The following ZNF385D variants were observed in gnomAD, a reference collection of about 807,000 sequenced individuals.
ZNF385D encodes zinc finger protein 659.
In ZNF385D, 15 loss-of-function variants were observed where a neutral mutation model predicts 35.8. The observed-to-expected ratio is 0.42, with a 90% CI of 0.28 to 0.64. The LOEUF is 0.64. Ranked by LOEUF, ZNF385D falls within the 30% of genes least tolerant of loss-of-function variation. The probability of loss-of-function intolerance (pLI) is 0.23; values close to 1 mark genes in which losing one functional copy is unlikely to be tolerated. For missense variants in ZNF385D, 474 were observed against 494.6 expected (o/e 0.96, Z 0.39); for synonymous variants, 212 against 186.8 (o/e 1.13, Z -1.10).
intron 3 of ZNF385D, among the ~76,000 whole-genome samples, chr3:22,123,707 A>G (rs1307563866): frequency 6.6e-6 from 1 of 152,102 alleles, no homozygotes; most frequent in Non-Finnish European, 1.5e-5. Context: ...TAAAAAGTAC[A>G]AAAATTAGCT....
chr3:22,290,543 G>T (rs565260487), intron 2 of ZNF385D, among the ~76,000 whole-genome samples: 2 of 152,094 alleles, frequency 1.3e-5, no homozygotes, highest in Non-Finnish European at 2.9e-5. Context: ...ACTCATTCCC[G>T]GATGCCCAGG....
At chr3:22,158,320 G>A (rs143157668) in intron 3 of ZNF385D, among the ~76,000 whole-genome samples, 1 of 152,152 alleles carries the variant, frequency 6.6e-6, no homozygotes, top group Non-Finnish European at 1.5e-5. Flanking sequence ...GAGATATTCT[G>A]AAGTTCTATT....
chr3:21,841,873 TTCTTTC>T (rs893874973), intron 3 of ZNF385D, among the ~76,000 whole-genome samples: 24 of 151,792 alleles, frequency 1.6e-4, no homozygotes, highest in African/African-American at 4.8e-4. Flanking sequence ...TTTGTTTCTA[TTCTTTC>T]TCTAACAAGT....
chr3:22,315,218 A>G (rs1703819378), intron 2 of ZNF385D, among the ~76,000 whole-genome samples: 1 of 152,174 alleles, frequency 6.6e-6, no homozygotes. Context: ...ATCTTAGTAG[A>G]GTGGATGGGA....
intron 2 of ZNF385D, among the ~76,000 whole-genome samples, chr3:22,357,699 A>G (rs1354233000): frequency 6.6e-6 from 1 of 151,856 alleles, no homozygotes; most frequent in African/African-American, 2.4e-5. Context: ...TCACAGGTTA[A>G]CAAAGGCTTC....
At chr3:21,505,033 A>G (rs1706667749) in intron 4 of ZNF385D, among the ~76,000 whole-genome samples, 1 of 152,200 alleles carries the variant, frequency 6.6e-6, no homozygotes, top group Non-Finnish European at 1.5e-5. Context: ...AGCATGAACC[A>G]TTCCAGGAAT....
intron 2 of ZNF385D, among the ~76,000 whole-genome samples, chr3:22,256,659 A>G (rs992033536): frequency 1.3e-5 from 2 of 151,914 alleles, no homozygotes; most frequent in Non-Finnish European, 2.9e-5. Context: ...AGCAGTTATC[A>G]TAACAAATGG....
intron 2 of ZNF385D, among the ~76,000 whole-genome samples, chr3:22,194,829 G>A (rs987758407): frequency 6.6e-6 from 1 of 151,786 alleles, no homozygotes; most frequent in Admixed American, 6.6e-5. Flanking sequence ...TTAATAGGTT[G>A]TTCTTTTTGT....
intron 3 of ZNF385D, among the ~76,000 whole-genome samples, chr3:21,824,105 T>A (rs1198768584): frequency 6.6e-6 from 1 of 152,150 alleles, no homozygotes; most frequent in African/African-American, 2.4e-5. Flanking sequence ...AACGTACAAC[T>A]GAAAAGAGAT....
At chr3:22,031,067 T>A (rs1383172384) in intron 3 of ZNF385D, among the ~76,000 whole-genome samples, 6 of 152,236 alleles carry the variant, frequency 3.9e-5, no homozygotes, top group Non-Finnish European at 7.3e-5. Flanking sequence ...AGGGGTGGGC[T>A]CTCAATGCTT....
At chr3:21,763,813 G>A (rs78733650) in intron 3 of ZNF385D, among the ~76,000 whole-genome samples, 11,980 of 152,214 alleles carry the variant, frequency 0.079, 638 homozygotes, top group South Asian at 0.17. Flanking sequence ...CAAGTGGTTT[G>A]CCACCTGCTT....
rs148192194 is a variant in ZNF385D, at chr3:21,971,119, C to G, written c.325+197698G>C. The stretch of plus-strand genomic sequence containing the variant: ...ACATTAATGAGTAATAGGAAATCAT[C>G]TGAAGGTACAAAACTCACTGGTAAT... On this transcript the variant is annotated intron_variant, in intron 3 of 5. Transcript: ENST00000494108. Among the ~76,000 whole-genome samples the G allele has an allele frequency of 7.9e-4, 120 of 152,076 alleles. 4 individuals are homozygous for G. The East Asian group carries it at 0.021, about 26-fold the overall frequency.
chr3:21,852,023 C>G (rs1175113232), intron 3 of ZNF385D, among the ~76,000 whole-genome samples: 2 of 151,940 alleles, frequency 1.3e-5, no homozygotes, highest in Non-Finnish European at 2.9e-5. Context: ...ACAGCAAAAT[C>G]AAAACTTCTT....
At chr3:22,313,844 G>T (rs1266500519) in intron 2 of ZNF385D, among the ~76,000 whole-genome samples, 4 of 152,144 alleles carry the variant, frequency 2.6e-5, no homozygotes, top group Non-Finnish European at 5.9e-5. Context: ...TCTCTCCTTA[G>T]AATAGTTGGA....
At chr3:21,726,840 C>A (rs866687066) in intron 1 of ZNF385D, among the ~76,000 whole-genome samples, 10 of 152,152 alleles carry the variant, frequency 6.6e-5, no homozygotes, top group Admixed American at 3.9e-4. Context: ...TCATATGGAA[C>A]CAAAAAAGAG....
intron 4 of ZNF385D, among the ~76,000 whole-genome samples, chr3:21,494,576 A>G (rs1705681634): frequency 6.6e-6 from 1 of 152,180 alleles, no homozygotes; most frequent in East Asian, 1.9e-4. Context: ...CTCAAACTCT[A>G]GCTCCACTTC....
chr3:22,036,124 G>A (rs1237805488), intron 3 of ZNF385D, among the ~76,000 whole-genome samples: 1 of 152,256 alleles, frequency 6.6e-6, no homozygotes, highest in East Asian at 1.9e-4. Flanking sequence ...ACGATGTACA[G>A]TAGTTAGAGA....
At position 21,670,271 on chromosome 3, in the gene ZNF385D, T is replaced by G. The variant is rs187705089; in HGVS notation, c.23-5243A>C. On this transcript the variant is annotated intron_variant, in intron 1 of 7. Coordinates refer to ENST00000281523, the MANE Select transcript of ZNF385D (RefSeq NM_024697.3). ...ATATATACTTATTTATATTAAAATATATATGCACTTATTTATATTGACATA... is the reference window on the plus strand; with the variant it reads ...ATATATACTTATTTATATTAAAATAGATATGCACTTATTTATATTGACATA... 4.1e-3 allele frequency among the ~76,000 whole-genome samples: 615 copies of G among 151,806 alleles called. 6 individuals are homozygous for G. Among genetic ancestry groups the G allele is most frequent in the African/African-American group, 0.014 (560 of 41,480 alleles).
chr3:21,899,687 A>G (rs1699304491), intron 3 of ZNF385D, among the ~76,000 whole-genome samples: 1 of 152,098 alleles, frequency 6.6e-6, no homozygotes, highest in Non-Finnish European at 1.5e-5. Flanking sequence ...ACAATATATT[A>G]AAGGTTTACT....
Sources: allele counts gnomAD v4.1 joint callset (sites outside exome capture counted in the v4.1 genomes callset), GRCh38; gene constraint gnomAD v4.1.1; transcripts MANE v1.5; gene names NCBI Gene and HGNC (gene_info 2026-07-23, HGNC 2026-07-21).